The following NALF1 variants were observed in gnomAD, a reference collection of about 807,000 sequenced individuals.
The protein encoded by NALF1 is NALCN channel auxiliary factor 1, also known as family with sequence similarity 155 member A.
A neutral mutation model predicts 48.4 loss-of-function variants in NALF1; 3 were observed. That is an observed-to-expected ratio of 0.06 (90% CI 0.03 to 0.16). The LOEUF is 0.16. Among genes scored for constraint, NALF1 ranks in the 10% least tolerant of loss-of-function variants. The pLI is 1.00. For missense variants in NALF1, 526 were observed against 571.5 expected, an observed-to-expected ratio of 0.92 and a Z score of 0.81; for synonymous variants, 262 against 245.7, an observed-to-expected ratio of 1.07 and a Z score of -0.62.
chr13:107,294,000 G>T (rs954105773), intron 1 of NALF1, among the ~76,000 whole-genome samples: 1 of 152,332 alleles, frequency 6.6e-6, no homozygotes, highest in East Asian at 1.9e-4. Context: ...GACCATGTTA[G>T]CTACGTCTCT....
intron 1 of NALF1, among the ~76,000 whole-genome samples, chr13:107,300,596 G>A (rs1248278014): frequency 6.6e-6 from 1 of 152,100 alleles, no homozygotes; most frequent in African/African-American, 2.4e-5. Flanking sequence ...TAAAAAATAG[G>A]AAAATATTAT....
chr13:107,705,999 A>G (rs1271878415), intron 1 of NALF1, among the ~76,000 whole-genome samples: 1 of 152,204 alleles, frequency 6.6e-6, no homozygotes, highest in Non-Finnish European at 1.5e-5. Context: ...AGTGCTTTAA[A>G]ACACTGAAGA....
chr13:107,589,950 C>G (rs555428237), intron 1 of NALF1, among the ~76,000 whole-genome samples: 1 of 151,966 alleles, frequency 6.6e-6, no homozygotes, highest in East Asian at 1.9e-4. Context: ...ACTTCCACCA[C>G]TTCTATTACG....
intron 1 of NALF1, among the ~76,000 whole-genome samples, chr13:107,731,450 A>C (rs1876305598): frequency 6.6e-6 from 1 of 152,118 alleles, no homozygotes; most frequent in Non-Finnish European, 1.5e-5. Flanking sequence ...TTTGTTATAT[A>C]GGTAAACTTG....
At chr13:107,238,639 TAAG>T (rs1339283524) in intron 1 of NALF1, among the ~76,000 whole-genome samples, 2 of 152,090 alleles carry the variant, frequency 1.3e-5, no homozygotes, top group Non-Finnish European at 2.9e-5. Context: ...CCTAGGAAAT[TAAG>T]AAGAAAAGGG....
intron 1 of NALF1, among the ~76,000 whole-genome samples, chr13:107,721,708 G>A (rs1875990873): frequency 6.6e-6 from 1 of 152,098 alleles, no homozygotes; most frequent in Non-Finnish European, 1.5e-5. Flanking sequence ...GATGGACGCT[G>A]GGGAGATCCC....
At chr13:107,454,286 G>A (rs915838304) in intron 1 of NALF1, among the ~76,000 whole-genome samples, 1 of 152,108 alleles carries the variant, frequency 6.6e-6, no homozygotes, top group Non-Finnish European at 1.5e-5. Flanking sequence ...GCCCCAAACT[G>A]GGTAATTCAT....
At chr13:107,487,485 T>C in intron 1 of NALF1, among the ~76,000 whole-genome samples, 1 of 152,206 alleles carries the variant, frequency 6.6e-6, no homozygotes, top group East Asian at 1.9e-4. Flanking sequence ...CACCACACAG[T>C]TATGCCATGC....
intron 1 of NALF1, among the ~76,000 whole-genome samples, chr13:107,730,307 A>C (rs1459743868): frequency 6.6e-6 from 1 of 152,228 alleles, no homozygotes; most frequent in African/African-American, 2.4e-5. Flanking sequence ...ATTCAGGCTC[A>C]ATCAATACTC....
At chr13:107,402,805 T>C (rs1883831358) in intron 1 of NALF1, among the ~76,000 whole-genome samples, 1 of 152,138 alleles carries the variant, frequency 6.6e-6, no homozygotes, top group African/African-American at 2.4e-5. Flanking sequence ...AGCAGATATA[T>C]GAACTGACCA....
At chr13:107,443,742 G>A (rs1333613603) in intron 1 of NALF1, among the ~76,000 whole-genome samples, 1 of 152,156 alleles carries the variant, frequency 6.6e-6, no homozygotes, top group Admixed American at 6.5e-5. Flanking sequence ...AATAGGTACT[G>A]AGTGACCATG....
intron 1 of NALF1, among the ~76,000 whole-genome samples, chr13:107,838,924 G>A (rs1255831923): frequency 2.0e-5 from 3 of 152,064 alleles, no homozygotes; most frequent in Non-Finnish European, 4.4e-5. Context: ...GCAAGTGGAG[G>A]ATTAACAGTT....
At chr13:107,658,243 T>C (rs908809390) in intron 1 of NALF1, among the ~76,000 whole-genome samples, 3 of 144,748 alleles carry the variant, frequency 2.1e-5, no homozygotes, top group African/African-American at 7.5e-5. Flanking sequence ...TCTTCAAAAT[T>C]CTTATCTATC....
At chr13:107,242,559 T>A (rs752689662) in intron 1 of NALF1, among the ~76,000 whole-genome samples, 1 of 152,234 alleles carries the variant, frequency 6.6e-6, no homozygotes, top group Non-Finnish European at 1.5e-5. Flanking sequence ...TTATGAATGA[T>A]ATGTTTTGAA....
chr13:107,498,915 T>C (rs545187296), intron 1 of NALF1, among the ~76,000 whole-genome samples: 1 of 152,164 alleles, frequency 6.6e-6, no homozygotes. Context: ...AATGCATATA[T>C]GTAGGAAGAG....
intron 1 of NALF1, among the ~76,000 whole-genome samples, chr13:107,782,206 G>A (rs989460937): frequency 2.6e-5 from 4 of 152,184 alleles, no homozygotes; most frequent in Admixed American, 6.5e-5. Context: ...GGCGCGTGCC[G>A]CCACGCCTGA....
intron 1 of NALF1, among the ~76,000 whole-genome samples, chr13:107,311,491 T>C (rs959025110): frequency 6.6e-6 from 1 of 151,926 alleles, no homozygotes; most frequent in Admixed American, 6.6e-5. Context: ...TAAAGGCTGT[T>C]GTCCATTAGA....
Position 107,848,814 on chromosome 13 carries a change from C to G in NALF1, c.915+16868G>C, listed in dbSNP as rs58584572. 8.5e-3 allele frequency among the ~76,000 whole-genome samples: 1,293 copies of G among 152,224 alleles called. 14 individuals carry two copies. Among genetic ancestry groups the G allele is most frequent in the African/African-American group, 0.029 (1,218 of 41,530 alleles). The stretch of plus-strand genomic sequence containing the variant: ...TTTGATACTAAATGATTTAAATGAA[C>G]AGGCAGGGGAAATTTCTGAAATACC... On this transcript the variant is annotated intron_variant, in intron 1 of 2. Coordinates refer to ENST00000375915, the MANE Select transcript of NALF1 (RefSeq NM_001080396.3).
intron 1 of NALF1, among the ~76,000 whole-genome samples, chr13:107,399,638 C>T (rs142325690): frequency 4.5e-4 from 68 of 152,190 alleles, no homozygotes; most frequent in Non-Finnish European, 7.5e-4. Flanking sequence ...TCCTTGGTTT[C>T]CCATTTCCTA....
Sources: gnomAD v4.1 joint callset for allele counts (sites outside exome capture counted in the v4.1 genomes callset) on GRCh38, gnomAD v4.1.1 for gene constraint, MANE v1.5 for transcripts, NCBI Gene and HGNC (gene_info 2026-07-23, HGNC 2026-07-21) for gene names.